Variants in FAM89A observed in about 807,000 individuals in gnomAD.
FAM89A encodes the protein protein FAM89A.
Under a neutral mutation model 7.1 loss-of-function variants are expected in FAM89A, and 10 were observed. The observed-to-expected ratio is 1.40, with a 90% CI of 0.86 to 2.38. The LOEUF (loss-of-function observed/expected upper bound fraction) is 2.38. FAM89A is among the 30% of genes most tolerant of loss of function. The pLI is 0.00. For synonymous variants in FAM89A, 157 were observed against 129.3 expected (o/e 1.21, Z -1.45); for missense variants, 276 against 262.8 (o/e 1.05, Z -0.35).
intron 1 of FAM89A, among the ~76,000 whole-genome samples, chr1:231,037,358 T>C (rs1189883466): frequency 2.0e-5 from 3 of 152,262 alleles, no homozygotes; most frequent in Non-Finnish European, 4.4e-5. Flanking sequence ...TTTAATTTTT[T>C]GCTTGGCTAC....
At chr1:231,029,248 G>A (rs1007284702) in intron 1 of FAM89A, among the ~76,000 whole-genome samples, 1 of 152,238 alleles carries the variant, frequency 6.6e-6, no homozygotes, top group Non-Finnish European at 1.5e-5. Flanking sequence ...AGCACTTTGG[G>A]AGGCTGAGGC....
At chr1:231,033,691 GA>G (rs1680112964) in intron 1 of FAM89A, among the ~76,000 whole-genome samples, 1 of 151,810 alleles carries the variant, frequency 6.6e-6, no homozygotes, top group Non-Finnish European at 1.5e-5. Context: ...AAACAAAAGG[GA>G]AAAAAAGGAG....
Position 231,020,086 on chromosome 1 carries a change from A to G in FAM89A, c.332T>C (p.Leu111Pro), listed in dbSNP as rs1240574429. The change falls in exon 2 of 2, where the codon CTG becomes CCG. Residue 111 changes from leucine (L) to proline (P), a missense_variant. Leu to Pro is a moderately conservative substitution (Grantham distance 98). Transcript: ENST00000366654. ...CTGAATCGACTCGTAGAGGCTGTACAGTTGGCAGAGCAAGGACATGTCCAG... is the reference window on the plus strand; with the variant it reads ...CTGAATCGACTCGTAGAGGCTGTACGGTTGGCAGAGCAAGGACATGTCCAG... ...RQLDMSLLCQ[L>P]YSLYESIQEY... 19 of 1,613,764 alleles carry G rather than the reference A, an allele frequency of 1.2e-5. No homozygotes were observed. Among genetic ancestry groups the G allele is most frequent in the Non-Finnish European group, 1.4e-5 (16 of 1,179,808 alleles).
chr1:231,031,927 T>C (rs1680075461), intron 1 of FAM89A, among the ~76,000 whole-genome samples: 1 of 152,170 alleles, frequency 6.6e-6, no homozygotes, highest in African/African-American at 2.4e-5. Context: ...CTTGTGAATA[T>C]GAAATTGTGG....
intron 1 of FAM89A, among the ~76,000 whole-genome samples, chr1:231,027,928 G>A (rs889216433): frequency 6.6e-6 from 1 of 152,102 alleles, no homozygotes; most frequent in African/African-American, 2.4e-5. Context: ...CTATATTATC[G>A]GTGTGCACAC....
intron 1 of FAM89A, among the ~76,000 whole-genome samples, chr1:231,025,063 C>T (rs35613794): frequency 0.61 from 92,454 of 151,540 alleles, 28,502 homozygotes; most frequent in Admixed American, 0.65. Flanking sequence ...GCTGGGACTA[C>T]AGGCGCTCGC....
chr1:231,037,130 G>C (rs965465943), intron 1 of FAM89A, among the ~76,000 whole-genome samples: 13 of 152,176 alleles, frequency 8.5e-5, no homozygotes, highest in South Asian at 2.1e-4. Context: ...TGGTTAAATA[G>C]GGCTTTGGAG....
At chr1:231,024,202 CAAA>C (rs34183379) in intron 1 of FAM89A, among the ~76,000 whole-genome samples, 22 of 144,970 alleles carry the variant, frequency 1.5e-4, no homozygotes, top group Middle Eastern at 3.5e-3. Context: ...TAATTTGAAC[CAAA>C]AAAAAAAAAA....
intron 1 of FAM89A, among the ~76,000 whole-genome samples, chr1:231,023,800 T>C (rs1679918338): frequency 6.6e-6 from 1 of 152,226 alleles, no homozygotes; most frequent in South Asian, 2.1e-4. Context: ...GCCCCCTGAC[T>C]GGACATCATT....
At chr1:231,032,154 A>G (rs758700439) in intron 1 of FAM89A, among the ~76,000 whole-genome samples, 2 of 152,258 alleles carry the variant, frequency 1.3e-5, no homozygotes, top group Non-Finnish European at 2.9e-5. Context: ...ATGAAGATTT[A>G]ACAGTCATAC....
At chr1:231,024,149 C>T (rs1475666548) in intron 1 of FAM89A, among the ~76,000 whole-genome samples, 2 of 151,496 alleles carry the variant, frequency 1.3e-5, no homozygotes, top group Non-Finnish European at 2.9e-5. Flanking sequence ...TATCAGTCTG[C>T]TTTGGACTCC....
chr1:231,028,167 C>T (rs568212282), intron 1 of FAM89A, among the ~76,000 whole-genome samples: 75 of 152,188 alleles, frequency 4.9e-4, no homozygotes, highest in Non-Finnish European at 8.8e-4. Context: ...CTGCATCCCT[C>T]GGGCAGTCAC....
chr1:231,024,656 C>A (rs1679933149), intron 1 of FAM89A, among the ~76,000 whole-genome samples: 1 of 152,054 alleles, frequency 6.6e-6, no homozygotes, highest in Non-Finnish European at 1.5e-5. Flanking sequence ...CCTGCCTCAA[C>A]CTCCCATGCT....
At chr1:231,036,629 A>C (rs1026227475) in intron 1 of FAM89A, among the ~76,000 whole-genome samples, 4 of 152,006 alleles carry the variant, frequency 2.6e-5, no homozygotes, top group Non-Finnish European at 5.9e-5. Flanking sequence ...GGGCATCAGC[A>C]GTCATGAGAC....
chr1:231,022,172 A>G (rs1467625714), intron 1 of FAM89A: 3 of 1,053,670 alleles, frequency 2.8e-6, no homozygotes, highest in Non-Finnish European at 4.5e-6. Flanking sequence ...GTACCACTCC[A>G]TTCATATATG....
chr1:231,030,376 G>C (rs1308194344), intron 1 of FAM89A, among the ~76,000 whole-genome samples: 1 of 152,152 alleles, frequency 6.6e-6, no homozygotes, highest in African/African-American at 2.4e-5. Flanking sequence ...AAAGCTGTTT[G>C]AATTGGATTT....
At chr1:231,031,540 A>C (rs1680069645) in intron 1 of FAM89A, among the ~76,000 whole-genome samples, 1 of 152,192 alleles carries the variant, frequency 6.6e-6, no homozygotes, top group South Asian at 2.1e-4. Flanking sequence ...TTATATAATA[A>C]CCAAAAAGTC....
At chr1:231,022,266 GAC>G (rs1679892659) in intron 1 of FAM89A, 2 of 778,488 alleles carry the variant, frequency 2.6e-6, no homozygotes, top group Non-Finnish European at 4.6e-6. Context: ...AGCTCAAAAA[GAC>G]TGTTTTGAAA....
intron 1 of FAM89A, among the ~76,000 whole-genome samples, chr1:231,032,364 C>A (rs12123464): frequency 0.2 from 27,723 of 138,566 alleles, 3,099 homozygotes; most frequent in African/African-American, 0.31. Flanking sequence ...TTACACCGCC[C>A]CACCCCACCC....
Sources: gnomAD v4.1 joint callset for allele counts (sites outside exome capture counted in the v4.1 genomes callset) on GRCh38, gnomAD v4.1.1 for gene constraint, MANE v1.5 for transcripts, NCBI Gene and HGNC (gene_info 2026-07-23, HGNC 2026-07-21) for gene names.